The following WNT5B variants were observed in gnomAD, a reference collection of about 807,000 sequenced individuals.
WNT5B encodes protein Wnt-5b.
WNT5B carries 18 observed loss-of-function variants against 36.5 expected under a neutral mutation model. The observed-to-expected ratio is 0.49, with a 90% confidence interval of 0.34 to 0.73. The LOEUF is 0.73. Among genes scored for constraint, WNT5B ranks in the 30% least tolerant of loss-of-function variants. The probability of loss-of-function intolerance (pLI) is 0.01; values close to 1 mark genes in which losing one functional copy is unlikely to be tolerated. For missense variants in WNT5B, 424 were observed against 508.4 expected, an observed-to-expected ratio of 0.83 and a Z score of 1.60; for synonymous variants, 213 against 212.3, an observed-to-expected ratio of 1.00 and a Z score of -0.03.
Position 1,645,782 on chromosome 12 carries a change from C to T in WNT5B, c.622-12C>T. The T allele has an allele frequency of 6.5e-7, 1 of 1,547,606 alleles. No homozygotes were observed. The highest frequency in any genetic ancestry group is 1.2e-5 in the South Asian group (1 of 81,162). ...GATCCTCCTTCTTACTGCCTTCTTT[C>T]TCTTCCCCTAGGCTGTGTATAAGAT... is the stretch of plus-strand genomic sequence containing the variant. On this transcript the variant is annotated splice_polypyrimidine_tract_variant and intron_variant, in intron 4 of 4. Coordinates refer to ENST00000397196, the MANE Select transcript of WNT5B (RefSeq NM_032642.3).
In WNT5B at chr12:1,638,109, G is replaced by A. The variant is rs147407981; in HGVS notation, c.329-1575G>A. ...TAAAAACACAAAAAATTAGCTGGGC[G>A]CAGTGGTGTGCCTTTGTAGTCCCAT... On this transcript the variant is annotated intron_variant, in intron 3 of 4. Coordinates refer to ENST00000397196, the MANE Select transcript of WNT5B (RefSeq NM_032642.3). 1.4e-3 allele frequency among the ~76,000 whole-genome samples: 220 copies of A among 152,316 alleles called. 1 individual carries two copies. Among genetic ancestry groups the A allele is most frequent in the African/African-American group, 4.9e-3 (204 of 41,572 alleles).
upstream of WNT5B, among the ~76,000 whole-genome samples, chr12:1,624,633 G>A (rs1048258454): frequency 6.6e-6 from 1 of 152,166 alleles, no homozygotes; most frequent in African/African-American, 2.4e-5. Context: ...TGCACTAAGA[G>A]GTGCTCAATA....
chr12:1,623,765 C>T (rs2094537536), intron 1 of WNT5B, among the ~76,000 whole-genome samples: 2 of 152,266 alleles, frequency 1.3e-5, no homozygotes, highest in Middle Eastern at 3.4e-3. Flanking sequence ...AACCAGGATC[C>T]ACCCTTCCAG....
At position 1,642,862 on chromosome 12, in the gene WNT5B, C is replaced by CCT. The variant is rs1314226772; in HGVS notation, c.621+2887_621+2888dup. Reference sequence around the variant, plus strand: ...CCTCTTCCTTAACTCCTTATCTCTCCCTTTGCCTCTGCCTGCTTCAGGTTG... The same window carrying CCT: ...CCTCTTCCTTAACTCCTTATCTCTCCCTCTTTGCCTCTGCCTGCTTCAGGTTG... On this transcript the variant is annotated intron_variant, in intron 4 of 4. Transcript: ENST00000397196. Among the ~76,000 whole-genome samples the CCT allele has an allele frequency of 3.3e-5, 5 of 152,264 alleles. No individual in the cohort carries two copies. The East Asian group carries it at 9.7e-4, about 29-fold the overall frequency.
chr12:1,630,122 G>A lies in WNT5B; in HGVS notation c.-58+751G>A, dbSNP rs1422846486. On this transcript the variant is annotated intron_variant, in intron 1 of 4. Transcript: ENST00000397196. The surrounding 1 kb of genome is among the most constrained non-coding windows in gnomAD (Gnocchi z 5.3). ...CGGCCCCAGGACAAAAATACTTCCC[G>A]GGCTGATGACCCGAAGCACCCGCCG... 3 of 985,336 alleles carry A rather than the reference G, an allele frequency of 3.0e-6. No individual in the cohort carries two copies. The highest frequency in any genetic ancestry group is 1.7e-5 in the African/African-American group (1 of 57,218). 61.0% of individuals were successfully genotyped at this position (985,336 alleles called of 1,614,324 possible).
chr12:1,632,592 A>G lies in WNT5B; in HGVS notation c.81-66A>G. 2.6e-6 allele frequency: 4 copies of G among 1,525,930 alleles called. No homozygotes were observed. Among genetic ancestry groups the G allele is most frequent in the Non-Finnish European group, 3.5e-6 (4 of 1,132,256 alleles). 94.5% of individuals were successfully genotyped at this position (1,525,930 alleles called of 1,614,324 possible). The stretch of plus-strand genomic sequence containing the variant: ...AATAAATGTGTTGAATGAATGACTT[A>G]ATGCTGCACACAGGCGTATGCTCAC... On this transcript the variant is annotated intron_variant, in intron 2 of 4. Coordinates refer to ENST00000397196, the MANE Select transcript of WNT5B (RefSeq NM_032642.3). The surrounding 1 kb of genome is among the most constrained non-coding windows in gnomAD (Gnocchi z 5.8).
At position 1,632,620 on chromosome 12, in the gene WNT5B, C is replaced by A; in HGVS notation, c.81-38C>A. The A allele has an allele frequency of 6.3e-7, 1 of 1,576,346 alleles. No individual in the cohort carries two copies. Among genetic ancestry groups the A allele is most frequent in the Non-Finnish European group, 8.7e-7 (1 of 1,154,548 alleles). On this transcript the variant is annotated intron_variant, in intron 2 of 4. Coordinates refer to ENST00000397196, the MANE Select transcript of WNT5B (RefSeq NM_032642.3). This position sits in a 1 kb window ranked among gnomAD's most constrained non-coding sequence, Gnocchi z 5.8. ...GCTGCACACAGGCGTATGCTCACTC[C>A]TGGGCCTTTTTTTCCCCTTTCTGGA...
At chr12:1,641,393 A>G (rs2094575015) in intron 4 of WNT5B, among the ~76,000 whole-genome samples, 1 of 151,772 alleles carries the variant, frequency 6.6e-6, no homozygotes, top group Non-Finnish European at 1.5e-5. Context: ...CTCAAAAAAA[A>G]AAAAAAAATG....
At chr12:1,626,717 A>C (rs1428515899), upstream of WNT5B, among the ~76,000 whole-genome samples, 1 of 151,604 alleles carries the variant, frequency 6.6e-6, no homozygotes, top group Non-Finnish European at 1.5e-5. Flanking sequence ...GGCGCCCGCC[A>C]CCACACTGGG....
In WNT5B at chr12:1,633,820, T is replaced by A. The variant is rs1350723387; in HGVS notation, c.328+915T>A. On this transcript the variant is annotated intron_variant, in intron 3 of 4. Coordinates refer to ENST00000397196, the MANE Select transcript of WNT5B (RefSeq NM_032642.3). The surrounding 1 kb of genome is among the most constrained non-coding windows in gnomAD (Gnocchi z 4.8). ...GGAGGGGAGTTGGGGAGGTAGAGAT[T>A]TCTTCGTGCTCCTCTCTTAGGGAGG... is the stretch of plus-strand genomic sequence containing the variant. Among the ~76,000 whole-genome samples the A allele has an allele frequency of 1.3e-5, 2 of 152,104 alleles. No homozygotes were observed. The highest frequency in any genetic ancestry group is 2.1e-4 in the South Asian group (1 of 4,826).
chr12:1,643,334 G>T (rs574633472), intron 4 of WNT5B, among the ~76,000 whole-genome samples: 20 of 152,144 alleles, frequency 1.3e-4, no homozygotes, highest in Non-Finnish European at 2.8e-4. Flanking sequence ...GCTGAGAGGC[G>T]CTTTTCCAGG....
intron 2 of WNT5B, among the ~76,000 whole-genome samples, 199 bp downstream of exon 2, chr12:1,631,633 G>T (rs981130772): frequency 1.3e-5 from 2 of 152,184 alleles, no homozygotes; most frequent in Admixed American, 6.5e-5. Context: ...GAGGATAAAG[G>T]TTCCGTTCAT....
intron 3 of WNT5B, among the ~76,000 whole-genome samples, chr12:1,634,230 T>A (rs1164752606): frequency 6.6e-6 from 1 of 152,180 alleles, no homozygotes; most frequent in Non-Finnish European, 1.5e-5. Context: ...ACTCATAGTT[T>A]ATTGATTCTT....
At chr12:1,629,064 TTTA>T (rs1484798769), upstream of WNT5B, 1 of 150,292 alleles carries the variant, frequency 6.7e-6, no homozygotes, top group Non-Finnish European at 1.5e-5. Context: ...AAAAAACATT[TTTA>T]ATGGGCTGAG....
chr12:1,640,398 G>C (rs530571650), intron 4 of WNT5B, among the ~76,000 whole-genome samples: 1 of 152,278 alleles, frequency 6.6e-6, no homozygotes, highest in South Asian at 2.1e-4. Flanking sequence ...TCTGGTAATA[G>C]CAGAGTCGAC....
intron 1 of WNT5B, among the ~76,000 whole-genome samples, chr12:1,622,465 GAC>G (rs1198229158): frequency 8.5e-5 from 13 of 152,248 alleles, no homozygotes; most frequent in African/African-American, 3.1e-4. Context: ...TTGAGGAAAA[GAC>G]AGAGAGTTAT....
rs1247001111 is a variant in WNT5B at position 1,620,535 on chromosome 12, TTTG to T, written c.-58+3401_-58+3403del. 2.0e-5 allele frequency among the ~76,000 whole-genome samples: 3 copies of T among 151,024 alleles called. No individual in the cohort carries two copies. In the East Asian group the frequency reaches 5.8e-4, roughly 29 times the overall value. On this transcript the variant is annotated intron_variant, in intron 1 of 4. Transcript: ENST00000310594. ...AGGCTATCAAGAGTGCTGCTATTCT[TTTG>T]TTGTTGTTTTTTTTTTTTGACATGG...
chr12:1,646,004 C>T lies in WNT5B; in HGVS notation c.832C>T (p.Leu278=), dbSNP rs1413529045. ...CTTCACCCAGCCCACCCCGGAGGAC[C>T]TGGTCTATGTGGACCCCAGCCCCGA... The part of the protein sequence containing the change: ...SRFTQPTPED[L]VYVDPSPDYC... The change falls in exon 5 of 5, where the codon CTG becomes TTG. Residue 278 remains leucine (L), a synonymous_variant. Coordinates refer to ENST00000397196, the MANE Select transcript of WNT5B (RefSeq NM_032642.3). 6.2e-7 allele frequency: 1 copy of T among 1,612,328 alleles called. No homozygotes were observed.
intron 4 of WNT5B, among the ~76,000 whole-genome samples, chr12:1,643,437 T>G (rs1164239985): frequency 2.6e-5 from 4 of 151,784 alleles, no homozygotes; most frequent in African/African-American, 9.7e-5. Context: ...CGATCTCGGC[T>G]CACTGCAAAC....
Sources: gnomAD v4.1 joint callset for allele counts (sites outside exome capture counted in the v4.1 genomes callset) on GRCh38, gnomAD v4.1.1 for gene constraint, Gnocchi (gnomAD v3.1) non-coding constraint, MANE v1.5 for transcripts, NCBI Gene and HGNC (gene_info 2026-07-23, HGNC 2026-07-21) for gene names.